The following GRM4 variants were observed in gnomAD, a reference collection of about 807,000 sequenced individuals.
GRM4 encodes the protein metabotropic glutamate receptor 4.
GRM4 carries 28 observed loss-of-function variants against 81.7 expected under a neutral mutation model. The ratio of observed to expected loss-of-function variants is 0.34; its 90% CI spans 0.25 to 0.47. The LOEUF is 0.47. Among genes scored for constraint, GRM4 ranks in the 20% least tolerant of loss-of-function variants. The probability of loss-of-function intolerance (pLI) is 1.00; values close to 1 mark genes in which losing one functional copy is unlikely to be tolerated. For synonymous variants in GRM4, 488 were observed against 528.8 expected, an observed-to-expected ratio of 0.92 and a Z score of 1.06; for missense variants, 948 against 1,290.0, an observed-to-expected ratio of 0.73 and a Z score of 4.06.
rs528652602 is a variant in GRM4, at chr6:34,111,745, G to A, written c.520-19646C>T. Among the ~76,000 whole-genome samples the A allele has an allele frequency of 3.9e-5, 6 of 152,302 alleles. No homozygotes were observed. Among genetic ancestry groups the A allele is most frequent in the African/African-American group, 4.8e-5 (2 of 41,568 alleles). The stretch of plus-strand genomic sequence containing the variant: ...GTGGGGATGGAGGAGGATTAAGGTC[G>A]CTGGGCACTGGCACCAGCTTGGGGA... On this transcript the variant is annotated intron_variant, in intron 2 of 10. Transcript: ENST00000538487. The surrounding 1 kb of genome is among the most constrained non-coding windows in gnomAD (Gnocchi z 5.1).
chr6:34,027,402 C>A (rs1299768826), intron 10 of GRM4, among the ~76,000 whole-genome samples: 1 of 152,180 alleles, frequency 6.6e-6, no homozygotes, highest in Non-Finnish European at 1.5e-5. Context: ...GAGGTCCCTG[C>A]CTGGTGCCCT....
rs777077388 is a variant in GRM4, at chr6:34,119,118, G to A, written c.519+13860C>T. Among the ~76,000 whole-genome samples the A allele has an allele frequency of 4.9e-4, 74 of 152,132 alleles. 1 individual carries two copies. The highest frequency in any genetic ancestry group is 1.8e-4 in the Non-Finnish European group (12 of 68,018). ...CACAAAAGAAACAGATGATGAGGCC[G>A]GGCACAGTGGATCACGCCTGTAATC... On this transcript the variant is annotated intron_variant, in intron 2 of 10. Transcript: ENST00000538487.
intron 1 of GRM4, among the ~76,000 whole-genome samples, chr6:34,142,546 C>T (rs889736781): frequency 2.0e-5 from 3 of 152,174 alleles, no homozygotes; most frequent in Non-Finnish European, 4.4e-5. Context: ...AGCTGTCCCC[C>T]GCAGCAGGGT....
chr6:34,145,175 C>T (rs1770874118), intron 1 of GRM4, among the ~76,000 whole-genome samples: 1 of 151,780 alleles, frequency 6.6e-6, no homozygotes, highest in South Asian at 2.1e-4. Context: ...GCCGGAGGCA[C>T]GGTTCTCGCG....
At chr6:34,056,444 G>A (rs927418534) in intron 6 of GRM4, 100 bp downstream of exon 6, 169 of 1,108,396 alleles carry the variant, frequency 1.5e-4, no homozygotes, top group Non-Finnish European at 1.9e-4. Flanking sequence ...ACGGCCGGCC[G>A]ACGACAGACA....
At chr6:34,099,812 C>G (rs1258446522) in intron 2 of GRM4, among the ~76,000 whole-genome samples, 2 of 152,158 alleles carry the variant, frequency 1.3e-5, no homozygotes, top group African/African-American at 4.8e-5. Flanking sequence ...TTGGGAGGAG[C>G]AGGATAGGCC....
chr6:34,145,841 C>G (rs1280661326), intron 1 of GRM4, among the ~76,000 whole-genome samples, 159 bp downstream of exon 1: 1 of 152,092 alleles, frequency 6.6e-6, no homozygotes, highest in Non-Finnish European at 1.5e-5. Flanking sequence ...CCACCCCCTA[C>G]CCCACACCTC....
chr6:34,044,186 A>G (rs531566963), intron 6 of GRM4, among the ~76,000 whole-genome samples: 1 of 149,936 alleles, frequency 6.7e-6, no homozygotes, highest in African/African-American at 2.5e-5. Context: ...ATACATACAC[A>G]TATATACACA....
At position 34,036,502 on chromosome 6, in the gene GRM4, C is replaced by A; in HGVS notation, c.1608G>T (p.Met536Ile). 6.2e-7 allele frequency: 1 copy of A among 1,612,896 alleles called. No homozygotes were observed. The highest frequency in any genetic ancestry group is 8.5e-7 in the Non-Finnish European group (1 of 1,179,580). Residue 536 changes from methionine (M) to isoleucine (I), a missense_variant, in exon 9 of 11, where the codon ATG (methionine) becomes ATT (isoleucine). Physicochemically the swap from Met to Ile is conservative, Grantham distance 10 (BLOSUM62 1). Transcript: ENST00000538487. This position sits in a 1 kb window ranked among gnomAD's most constrained non-coding sequence, Gnocchi z 9.0. Reference protein sequence around the residue: ...PGERKKTVKGMPCCWHCEPCT... With the variant: ...PGERKKTVKGIPCCWHCEPCT... Reference sequence around the variant, plus strand: ...AAGGCTCGCAGTGCCAGCAGCAAGGCATGCCCTTCACTGTCTTCTTCCGCT... The same window carrying A: ...AAGGCTCGCAGTGCCAGCAGCAAGGAATGCCCTTCACTGTCTTCTTCCGCT...
At position 34,069,779 on chromosome 6, in the gene GRM4, C is replaced by T. The variant is rs956221142; in HGVS notation, c.737-7751G>A. On this transcript the variant is annotated intron_variant, in intron 3 of 10. Coordinates refer to ENST00000538487, the MANE Select transcript of GRM4 (RefSeq NM_000841.4). The surrounding 1 kb of genome is among the most constrained non-coding windows in gnomAD (Gnocchi z 6.4). ...TGCAACATCCAGGACTGCCCCAGTC[C>T]CCACCAGGATCCACCCATCTGGCCA... Among the ~76,000 whole-genome samples, 16 of 152,184 alleles carry T rather than the reference C, an allele frequency of 1.1e-4. No individual in the cohort carries two copies. Among genetic ancestry groups the T allele is most frequent in the African/African-American group, 3.9e-4 (16 of 41,512 alleles).
Position 34,061,956 on chromosome 6 carries a change from C to T in GRM4, c.809G>A (p.Arg270His), listed in dbSNP as rs148055958. The T allele has an allele frequency of 2.7e-4, 443 of 1,613,806 alleles. No homozygotes were observed. Among genetic ancestry groups the T allele is most frequent in the African/African-American group, 6.5e-4 (49 of 74,936 alleles). ...PKAGEFDKII[R>H]RLLETSNARA... The stretch of plus-strand genomic sequence containing the variant: ...GGCGTTCGAAGTCTCCAGGAGGCGG[C>T]GGATGATCTTGTCGAACTCGCCTGC... Residue 270 changes from arginine (R) to histidine (H), a missense_variant, in exon 4 of 11, where the codon CGC (arginine) becomes CAC (histidine). By Grantham distance (29) the Arg-to-His change is conservative (BLOSUM62 0). Transcript: ENST00000538487.
chr6:34,059,366 T>G lies in GRM4; in HGVS notation c.873-238A>C. 1.8e-6 allele frequency: 1 copy of G among 557,990 alleles called. No homozygotes were observed. Among genetic ancestry groups the G allele is most frequent in the Non-Finnish European group, 3.2e-6 (1 of 309,134 alleles). 34.6% of individuals were successfully genotyped at this position (557,990 alleles called of 1,614,324 possible). A position where few individuals can be genotyped will look rare whatever the true frequency, so the allele number is the denominator to read the frequency against. On this transcript the variant is annotated intron_variant, in intron 4 of 10. Coordinates refer to ENST00000538487, the MANE Select transcript of GRM4 (RefSeq NM_000841.4). This position sits in a 1 kb window ranked among gnomAD's most constrained non-coding sequence, Gnocchi z 5.7. ...TGCCTGCCCCTGGGCCCACGCCTGC[T>G]GCAGGCCCAGCGTGATTCTCCAGGC...
intron 2 of GRM4, among the ~76,000 whole-genome samples, chr6:34,128,160 C>T (rs754734112): frequency 1.2e-4 from 18 of 152,178 alleles, no homozygotes; most frequent in Non-Finnish European, 1.9e-4. Context: ...GGCAGGAAGA[C>T]GCAAGAGGCC....
At chr6:34,086,524 C>A (rs1272846185) in intron 3 of GRM4, among the ~76,000 whole-genome samples, 7 of 152,246 alleles carry the variant, frequency 4.6e-5, no homozygotes, top group Admixed American at 4.6e-4. Context: ...TCCTGCCACA[C>A]TCAGAGAGGC....
chr6:34,099,406 C>T (rs1177105683), intron 2 of GRM4, among the ~76,000 whole-genome samples: 1 of 152,058 alleles, frequency 6.6e-6, no homozygotes, highest in Admixed American at 6.5e-5. Context: ...TTGCCTGAAC[C>T]AAGACAGGGG....
intron 1 of GRM4, among the ~76,000 whole-genome samples, chr6:34,151,168 A>AG (rs1771036809): frequency 6.6e-6 from 1 of 152,216 alleles, no homozygotes; most frequent in South Asian, 2.1e-4. Context: ...GACCTAGCTA[A>AG]GGGGGAGTGG....
intron 2 of GRM4, among the ~76,000 whole-genome samples, chr6:34,095,651 A>G (rs1201167316): frequency 6.6e-6 from 1 of 151,862 alleles, no homozygotes; most frequent in Non-Finnish European, 1.5e-5. Context: ...CTCTGGCAGC[A>G]ATCGCCTTCT....
chr6:34,147,796 A>C (rs2127520644), upstream of GRM4, among the ~76,000 whole-genome samples: 1 of 152,346 alleles, frequency 6.6e-6, no homozygotes, highest in South Asian at 2.1e-4. Context: ...TCATAAAAAC[A>C]GAATGAAATA....
intron 10 of GRM4, among the ~76,000 whole-genome samples, chr6:34,025,963 A>C (rs914363311): frequency 4.6e-5 from 7 of 152,110 alleles, no homozygotes; most frequent in Admixed American, 3.3e-4. Context: ...CCTCAGTGTG[A>C]GGGGAAGGCC....
Sources: gnomAD v4.1 joint callset for allele counts (sites outside exome capture counted in the v4.1 genomes callset) on GRCh38, gnomAD v4.1.1 for gene constraint, Gnocchi (gnomAD v3.1) non-coding constraint, MANE v1.5 for transcripts, NCBI Gene and HGNC (gene_info 2026-07-23, HGNC 2026-07-21) for gene names.